CDON: variants seen among roughly 807,000 people sequenced by gnomAD.
The protein encoded by CDON is cell adhesion associated, oncogene regulated, also known as cell adhesion molecule-related/down-regulated by oncogenes.
A neutral mutation model predicts 120.9 loss-of-function variants in CDON; 73 were observed. The ratio of observed to expected loss-of-function variants is 0.60; its 90% confidence interval spans 0.50 to 0.73. The LOEUF (loss-of-function observed/expected upper bound fraction) is 0.73, where lower values mean the gene tolerates loss of function less well. CDON is among the 30% of genes least tolerant of loss of function. The pLI is 0.00. For missense variants in CDON, 1,470 were observed against 1,587.3 expected (o/e 0.93, Z 1.26); for synonymous variants, 566 against 573.5 (o/e 0.99, Z 0.19).
At chr11:126,030,724 A>C (rs904681778) in intron 1 of CDON, among the ~76,000 whole-genome samples, 2 of 152,226 alleles carry the variant, frequency 1.3e-5, no homozygotes, top group African/African-American at 2.4e-5. Context: ...TTCATTAAGT[A>C]CTATCAAGAT....
intron 9 of CDON, 77 bp downstream of exon 9, chr11:126,005,682 T>C (rs560205078): frequency 1.5e-6 from 2 of 1,357,904 alleles, no homozygotes; most frequent in Non-Finnish European, 2.1e-6. Context: ...ATTCTACAAA[T>C]GAAAAGGCAA....
At chr11:126,022,450 ATTTC>A (rs543819337) in intron 2 of CDON, among the ~76,000 whole-genome samples, 67 of 152,308 alleles carry the variant, frequency 4.4e-4, no homozygotes, top group African/African-American at 1.6e-3. Context: ...TTCGTCTGTT[ATTTC>A]TATTACTCCA....
chr11:126,051,283 A>T (rs1030379032), intron 1 of CDON, among the ~76,000 whole-genome samples: 2 of 152,180 alleles, frequency 1.3e-5, no homozygotes, highest in Non-Finnish European at 2.9e-5. Flanking sequence ...TCACTTCCTT[A>T]TCTTTTCCCT....
chr11:126,023,434 T>C lies in CDON; in HGVS notation c.43A>G (p.Thr15Ala). The C allele has an allele frequency of 1.2e-6, 2 of 1,613,172 alleles. No homozygotes were observed. Among genetic ancestry groups the C allele is most frequent in the Non-Finnish European group, 1.7e-6 (2 of 1,179,326 alleles). Residue 15 changes from threonine to alanine, a missense_variant, in exon 2 of 20, where the codon ACT becomes GCT. Transcript: ENST00000531738. ...ACAGAAGAGCACAGAATTGTAAGAG[T>C]AACATACAGCAGTGTACATAAGGGT... is the stretch of plus-strand genomic sequence containing the variant. ...LGPLCTLLYV[T>A]LTILCSSVSS... is the part of the protein sequence containing the mutation.
At chr11:126,018,497 T>TA (rs1195505439) in intron 4 of CDON, 24 bp from the exon 5 acceptor site, 20 of 1,607,500 alleles carry the variant, frequency 1.2e-5, no homozygotes, top group Non-Finnish European at 1.6e-5. Flanking sequence ...GGAGTGCAGT[T>TA]AGGCCTCTCC....
intron 9 of CDON, chr11:126,005,301 CAA>C (rs1294947246): frequency 2.3e-3 from 251 of 111,160 alleles, no homozygotes; most frequent in South Asian, 4.3e-3. Flanking sequence ...AACCCTGTCT[CAA>C]AAAAAAAAAA....
chr11:126,009,392 CTG>C (rs1365605368), intron 8 of CDON, among the ~76,000 whole-genome samples: 9 of 152,204 alleles, frequency 5.9e-5, no homozygotes, highest in South Asian at 4.1e-4. Flanking sequence ...GTGGTCCAGA[CTG>C]TGGCGGATGG....
intron 15 of CDON, among the ~76,000 whole-genome samples, chr11:125,984,789 C>G (rs1436183874): frequency 6.6e-6 from 1 of 151,822 alleles, no homozygotes; most frequent in Non-Finnish European, 1.5e-5. Context: ...CTCAGGATTA[C>G]ATATTTTATG....
intron 1 of CDON, among the ~76,000 whole-genome samples, chr11:126,027,330 A>T (rs1947816060): frequency 6.6e-6 from 1 of 152,216 alleles, no homozygotes; most frequent in South Asian, 2.1e-4. Context: ...TGACCACACA[A>T]AGTTTAGATA....
chr11:125,987,012 GA>G (rs1482076543), intron 15 of CDON, among the ~76,000 whole-genome samples: 1 of 152,146 alleles, frequency 6.6e-6, no homozygotes, highest in East Asian at 1.9e-4. Flanking sequence ...CAACCCTAAA[GA>G]AAACAAAAGA....
intron 18 of CDON, among the ~76,000 whole-genome samples, chr11:125,963,465 T>C (rs1342545518): frequency 6.6e-6 from 1 of 152,188 alleles, no homozygotes; most frequent in Non-Finnish European, 1.5e-5. Context: ...ATTTGCATCC[T>C]TTAAACATGG....
chr11:126,017,389 G>A lies in CDON; in HGVS notation c.641-14C>T. The A allele has an allele frequency of 6.2e-7, 1 of 1,613,086 alleles. No homozygotes were observed. The highest frequency in any genetic ancestry group is 8.5e-7 in the Non-Finnish European group (1 of 1,179,088). ...CTGAAGAAGGACCTGGAAAAGGAAAGGAGATGAGAGATTATTAGTAAGTCT... is the reference window on the plus strand; with the variant it reads ...CTGAAGAAGGACCTGGAAAAGGAAAAGAGATGAGAGATTATTAGTAAGTCT... On this transcript the variant is annotated splice_polypyrimidine_tract_variant and intron_variant, in intron 5 of 19. Coordinates refer to ENST00000531738, the MANE Select transcript of CDON (RefSeq NM_001378964.1).
intron 7 of CDON, among the ~76,000 whole-genome samples, chr11:126,013,754 A>T (rs1365603745): frequency 6.6e-6 from 1 of 151,792 alleles, no homozygotes; most frequent in Non-Finnish European, 1.5e-5. Context: ...ATCTTTATTG[A>T]TCCTCTGTAT....
At chr11:126,029,419 CAT>C (rs777082889) in intron 1 of CDON, among the ~76,000 whole-genome samples, 56 of 152,298 alleles carry the variant, frequency 3.7e-4, no homozygotes, top group South Asian at 1.7e-3. Flanking sequence ...ACTCATTACA[CAT>C]GTTTCTCAAA....
chr11:126,017,187 T>C lies in CDON; in HGVS notation c.829A>G (p.Thr277Ala), dbSNP rs773544819. The C allele has an allele frequency of 6.2e-7, 1 of 1,614,206 alleles. No individual in the cohort carries two copies. Among genetic ancestry groups the C allele is most frequent in the Non-Finnish European group, 8.5e-7 (1 of 1,180,024 alleles). The change falls in exon 6 of 20, where the codon ACT becomes GCT. Residue 277 changes from threonine (T) to alanine (A), a missense_variant. Coordinates refer to ENST00000531738, the MANE Select transcript of CDON (RefSeq NM_001378964.1). ...NWRRLYSHLATDSVDPADSGN... is the reference protein window; with the variant it reads ...NWRRLYSHLAADSVDPADSGN... The stretch of plus-strand genomic sequence containing the variant: ...GAGTCCGCCGGGTCAACGCTATCAG[T>C]GGCAAGATGAGAATACAACCTTCTC...
chr11:126,040,535 G>C (rs935436125), intron 1 of CDON, among the ~76,000 whole-genome samples: 1 of 152,144 alleles, frequency 6.6e-6, no homozygotes, highest in African/African-American at 2.4e-5. Flanking sequence ...GGTACTAAAG[G>C]CCGGGCGCGG....
At chr11:125,966,286 A>T (rs1313752348) in intron 18 of CDON, among the ~76,000 whole-genome samples, 1 of 152,238 alleles carries the variant, frequency 6.6e-6, no homozygotes, top group Non-Finnish European at 1.5e-5. Context: ...ATTTTAACAG[A>T]GAACTAGAAT....
rs951264785 is a variant in CDON at position 125,959,808 on chromosome 11, CCTTT to C, written c.*1130_*1133del. 1 of 152,108 alleles carries C rather than the reference CCTTT, an allele frequency of 6.6e-6. No individual in the cohort carries two copies. The highest frequency in any genetic ancestry group is 2.4e-5 in the African/African-American group (1 of 41,424). The allele number at this position is 152,108 out of a possible 1,614,324, so 9.4% of individuals were successfully genotyped here. ...CAAGACAGGCTCCCTGCAGCCCTCCCCTTTCTTTCTTCTGAAAATGTGTATCTTT... is the reference window on the plus strand; with the variant it reads ...CAAGACAGGCTCCCTGCAGCCCTCCCCTTTCTTCTGAAAATGTGTATCTTT... On this transcript the variant is annotated 3_prime_UTR_variant, in exon 20 of 20. Coordinates refer to ENST00000531738, the MANE Select transcript of CDON (RefSeq NM_001378964.1).
intron 15 of CDON, among the ~76,000 whole-genome samples, chr11:125,985,946 C>T (rs528510665): frequency 6.6e-6 from 1 of 152,232 alleles, no homozygotes; most frequent in Non-Finnish European, 1.5e-5. Context: ...TACCATTTGA[C>T]CCAGCAATCC....
Sources: gnomAD v4.1 joint callset for allele counts (sites outside exome capture counted in the v4.1 genomes callset) on GRCh38, gnomAD v4.1.1 for gene constraint, MANE v1.5 for transcripts, NCBI Gene and HGNC (gene_info 2026-07-23, HGNC 2026-07-21) for gene names.